Variants in INTS8 observed in about 807,000 individuals in gnomAD.
INTS8 encodes the protein integrator complex subunit 8, also known as protein kaonashi-1.
Under a neutral mutation model 138.9 loss-of-function variants are expected in INTS8, and 47 were observed. The ratio of observed to expected loss-of-function variants is 0.34; its 90% CI spans 0.27 to 0.43. The LOEUF is 0.43. Among genes scored for constraint, INTS8 ranks in the 20% least tolerant of loss-of-function variants. INTS8 has a pLI of 1.00. For synonymous variants in INTS8, 392 were observed against 400.9 expected (o/e 0.98, Z 0.27); for missense variants, 996 against 1,173.0 (o/e 0.85, Z 2.20).
chr8:94,862,829 A>T (rs1816041566), intron 16 of INTS8, among the ~76,000 whole-genome samples: 1 of 152,102 alleles, frequency 6.6e-6, no homozygotes, highest in Non-Finnish European at 1.5e-5. Context: ...CAGTTTCCAC[A>T]CTTCCAAGCT....
At chr8:94,829,519 G>C (rs1814634485) in intron 5 of INTS8, among the ~76,000 whole-genome samples, 1 of 152,154 alleles carries the variant, frequency 6.6e-6, no homozygotes. Flanking sequence ...TACAGATGAA[G>C]CTTCTTTTGC....
At chr8:94,873,612 C>T in intron 22 of INTS8, 135 bp downstream of exon 22, 1 of 651,420 alleles carries the variant, frequency 1.5e-6, no homozygotes, top group Non-Finnish European at 2.8e-6. Flanking sequence ...GAACACATTG[C>T]TCTGTGTATT....
chr8:94,861,379 A>T (rs1466894258), intron 16 of INTS8, among the ~76,000 whole-genome samples: 1 of 142,692 alleles, frequency 7.0e-6, no homozygotes, highest in Non-Finnish European at 1.5e-5. Context: ...CTCCTGCCTC[A>T]GCCTCCCGAG....
In INTS8 at chr8:94,856,981, A is replaced by G; in HGVS notation, c.1954+3A>G. 2 of 1,611,712 alleles carry G rather than the reference A, an allele frequency of 1.2e-6. No homozygotes were observed. The highest frequency in any genetic ancestry group is 1.1e-5 in the South Asian group (1 of 90,904). ...CTATCTGGAAATGAGGCTTCCTGGT[A>G]AGACTGGTTCACAAAGACAAATTTC... is the stretch of plus-strand genomic sequence containing the variant. On this transcript the variant is annotated splice_donor_region_variant and intron_variant, in intron 15 of 26. Coordinates refer to ENST00000523731, the MANE Select transcript of INTS8 (RefSeq NM_017864.4).
Position 94,880,134 on chromosome 8 carries a change from A to G in INTS8, c.2888A>G (p.Gln963Arg), listed in dbSNP as rs879870829. Residue 963 changes from glutamine (Q) to arginine (R), a missense_variant, in exon 27 of 27, where the codon CAG becomes CGG. Coordinates refer to ENST00000523731, the MANE Select transcript of INTS8 (RefSeq NM_017864.4). ...KRQIAIKAIG[Q>R]TELNASNPEE... is the part of the protein sequence containing the mutation. ...TTTTGGAAGATCAAAGCCATCGGCC[A>G]GACAGAGTTGAATGCAAGCAATCCA... is the stretch of plus-strand genomic sequence containing the variant. 3.0e-5 allele frequency: 48 copies of G among 1,608,686 alleles called. No individual in the cohort carries two copies. Among genetic ancestry groups the G allele is most frequent in the Non-Finnish European group, 4.0e-5 (47 of 1,178,412 alleles).
At chr8:94,834,884 T>C (rs2131003869) in intron 6 of INTS8, among the ~76,000 whole-genome samples, 1 of 152,268 alleles carries the variant, frequency 6.6e-6, no homozygotes, top group South Asian at 2.1e-4. Context: ...CTTAGGAGTT[T>C]GGAAGAGGAG....
At chr8:94,833,802 A>G (rs976759281) in intron 6 of INTS8, among the ~76,000 whole-genome samples, 1 of 151,836 alleles carries the variant, frequency 6.6e-6, no homozygotes, top group Non-Finnish European at 1.5e-5. Context: ...ACGGAGTTTC[A>G]CTCTTGTTGC....
chr8:94,856,064 T>C (rs1211816020), intron 14 of INTS8, among the ~76,000 whole-genome samples: 1 of 152,148 alleles, frequency 6.6e-6, no homozygotes, highest in Non-Finnish European at 1.5e-5. Flanking sequence ...CAAGAAATAG[T>C]GGTGTGATGG....
chr8:94,836,555 A>G lies in INTS8; in HGVS notation c.785A>G (p.Gln262Arg). ...TATGATTTGGGCGCAGCATACTTCCAGCAAGGCTCCACAAATTCAGCTGTC... is the reference window on the plus strand; with the variant it reads ...TATGATTTGGGCGCAGCATACTTCCGGCAAGGCTCCACAAATTCAGCTGTC... ...VCYDLGAAYF[Q>R]QGSTNSAVYE... is the part of the protein sequence containing the mutation. The change falls in exon 7 of 27, where the codon CAG becomes CGG. Residue 262 changes from glutamine (Q) to arginine (R), a missense_variant. Gln to Arg is a conservative substitution (Grantham distance 43). Transcript: ENST00000523731. The G allele has an allele frequency of 6.2e-7, 1 of 1,614,046 alleles. No individual in the cohort carries two copies. The highest frequency in any genetic ancestry group is 8.5e-7 in the Non-Finnish European group (1 of 1,179,976).
At chr8:94,858,776 T>C (rs1815846186) in intron 15 of INTS8, among the ~76,000 whole-genome samples, 1 of 152,216 alleles carries the variant, frequency 6.6e-6, no homozygotes, top group Non-Finnish European at 1.5e-5. Context: ...CTCTTACTCT[T>C]TGAATGGGTG....
intron 13 of INTS8, 51 bp from the exon 14 acceptor site, chr8:94,853,753 AT>A: frequency 2.1e-6 from 2 of 931,612 alleles, no homozygotes; most frequent in Non-Finnish European, 3.5e-6. Flanking sequence ...TCTTATCTAG[AT>A]TTGGCTTCCT....
At chr8:94,832,656 G>C (rs896641115) in intron 6 of INTS8, among the ~76,000 whole-genome samples, 1 of 151,578 alleles carries the variant, frequency 6.6e-6, no homozygotes, top group African/African-American at 2.4e-5. Flanking sequence ...ATTTGTTTTT[G>C]TTTTTGTTTT....
chr8:94,880,063 A>G, intron 26 of INTS8, 55 bp from the exon 27 acceptor site: 3 of 1,256,040 alleles, frequency 2.4e-6, no homozygotes, highest in Non-Finnish European at 3.4e-6. Flanking sequence ...TACTTGTACC[A>G]ACAAAACTTA....
At chr8:94,855,925 A>T (rs1815730311) in intron 14 of INTS8, among the ~76,000 whole-genome samples, 1 of 152,222 alleles carries the variant, frequency 6.6e-6, no homozygotes, top group Non-Finnish European at 1.5e-5. Flanking sequence ...TTTTAATTTG[A>T]AGCTACAGTT....
At chr8:94,844,440 C>T (rs113852466) in intron 10 of INTS8, among the ~76,000 whole-genome samples, 2,367 of 152,170 alleles carry the variant, frequency 0.016, 59 homozygotes, top group African/African-American at 0.054. Flanking sequence ...CCTCAGCCTC[C>T]GGAGTAGCTG....
chr8:94,832,190 T>C lies in INTS8; in HGVS notation c.753+16T>C, dbSNP rs745977096. 1.3e-6 allele frequency: 2 copies of C among 1,597,146 alleles called. No homozygotes were observed. Among genetic ancestry groups the C allele is most frequent in the Non-Finnish European group, 8.5e-7 (1 of 1,174,066 alleles). ...GCAGTGCCAGGTATTCATTTGATAC[T>C]TAATTTACGTAGGGCAATTTTTTGG... On this transcript the variant is annotated intron_variant, in intron 6 of 26. Coordinates refer to ENST00000523731, the MANE Select transcript of INTS8 (RefSeq NM_017864.4).
chr8:94,826,337 A>G (rs944282527), intron 2 of INTS8, among the ~76,000 whole-genome samples: 4 of 151,858 alleles, frequency 2.6e-5, no homozygotes, highest in Non-Finnish European at 4.4e-5. Flanking sequence ...GCTGGAGTGC[A>G]GTGGCGCGAT....
At chr8:94,831,702 G>A (rs749244418) in intron 5 of INTS8, among the ~76,000 whole-genome samples, 1 of 151,244 alleles carries the variant, frequency 6.6e-6, no homozygotes, top group Non-Finnish European at 1.5e-5. Context: ...GGCTGGTCTC[G>A]AACTCCTGAT....
intron 18 of INTS8, chr8:94,866,651 A>G (rs1816186986): frequency 5.9e-6 from 1 of 170,270 alleles, no homozygotes; most frequent in Non-Finnish European, 1.2e-5. Flanking sequence ...GGTGGGTGGG[A>G]TATTCTGACT....
Sources: gnomAD v4.1 joint callset for allele counts (sites outside exome capture counted in the v4.1 genomes callset) on GRCh38, gnomAD v4.1.1 for gene constraint, MANE v1.5 for transcripts, NCBI Gene and HGNC (gene_info 2026-07-23, HGNC 2026-07-21) for gene names.